GALNT13: variants seen among roughly 807,000 people sequenced by gnomAD.
GALNT13 encodes the protein UDP-GalNAc:polypeptide N-acetylgalactosaminyltransferase 13.
A neutral mutation model predicts 64.2 loss-of-function variants in GALNT13; 28 were observed. That is an observed-to-expected ratio of 0.44 (90% confidence interval 0.32 to 0.60). GALNT13 has a LOEUF of 0.60. Ranked by LOEUF, GALNT13 falls within the 20% of genes least tolerant of loss-of-function variation. The probability of loss-of-function intolerance (pLI) is 0.05; values close to 1 mark genes in which losing one functional copy is unlikely to be tolerated. For missense variants in GALNT13, 577 were observed against 669.8 expected, an observed-to-expected ratio of 0.86 and a Z score of 1.53; for synonymous variants, 214 against 224.6, an observed-to-expected ratio of 0.95 and a Z score of 0.42.
At chr2:153,493,978 C>A in the GALNT13 span, among the ~76,000 whole-genome samples, 1 of 151,892 alleles carries the variant, frequency 6.6e-6, no homozygotes, top group Non-Finnish European at 1.5e-5. Context: ...GCTCCACCAT[C>A]TGCTTTTTAT....
intron 8 of GALNT13, among the ~76,000 whole-genome samples, chr2:154,263,009 C>T (rs1215047095): frequency 6.6e-6 from 1 of 152,130 alleles, no homozygotes; most frequent in African/African-American, 2.4e-5. Flanking sequence ...TAAGCAATAT[C>T]ATGGGGAGCA....
At chr2:153,695,197 C>G in the GALNT13 span, among the ~76,000 whole-genome samples, 1 of 152,126 alleles carries the variant, frequency 6.6e-6, no homozygotes, top group East Asian at 1.9e-4. Context: ...GAGCTTTTCA[C>G]TTAGGGACCA....
intron 3 of GALNT13, among the ~76,000 whole-genome samples, chr2:154,014,100 T>G (rs1696831689): frequency 6.6e-6 from 1 of 152,144 alleles, no homozygotes; most frequent in Middle Eastern, 3.2e-3. Context: ...AGGACCGCCC[T>G]GTTCCCAATC....
intron 12 of GALNT13, among the ~76,000 whole-genome samples, chr2:154,443,735 G>A (rs1355419828): frequency 6.6e-6 from 1 of 151,850 alleles, no homozygotes; most frequent in Non-Finnish European, 1.5e-5. Flanking sequence ...TATTTGGAAG[G>A]GTAAAGTTAG....
chr2:153,547,303 G>C, the GALNT13 span, among the ~76,000 whole-genome samples: 1 of 152,176 alleles, frequency 6.6e-6, no homozygotes, highest in Admixed American at 6.5e-5. Context: ...CTTCAAGGTT[G>C]TACTATGTCG....
chr2:153,450,561 A>C, the GALNT13 span, among the ~76,000 whole-genome samples: 1 of 141,342 alleles, frequency 7.1e-6, no homozygotes, highest in Non-Finnish European at 1.5e-5. Context: ...ATTGAGTCCT[A>C]TACCCCTAGG....
rs189465542 is a variant in GALNT13, at chr2:154,168,652, G to A, written c.311+28147G>A. Among the ~76,000 whole-genome samples the A allele has an allele frequency of 2.0e-3, 278 of 136,276 alleles. 1 individual carries two copies. Among genetic ancestry groups the A allele is most frequent in the Non-Finnish European group, 3.4e-3 (220 of 64,870 alleles). The allele number at this position is 136,276 out of a possible 152,430, so 89.4% of individuals were successfully genotyped here. ...GTTCAAGACCAGCCTGGCCAACATA[G>A]TGAAACCTCATCTCTACTATTAAAA... On this transcript the variant is annotated intron_variant, in intron 4 of 12. Transcript: ENST00000392825.
intron 1 of GALNT13, among the ~76,000 whole-genome samples, chr2:153,898,273 A>T (rs1288388515): frequency 1.3e-5 from 2 of 152,028 alleles, no homozygotes; most frequent in Non-Finnish European, 2.9e-5. Context: ...AGGTGTATAT[A>T]TTTTTTAGGA....
At chr2:154,292,742 G>A (rs562332655) in intron 8 of GALNT13, among the ~76,000 whole-genome samples, 1 of 152,234 alleles carries the variant, frequency 6.6e-6, no homozygotes, top group South Asian at 2.1e-4. Flanking sequence ...TATGTTTATG[G>A]GTTAGGGGAA....
chr2:153,352,287 T>A, the GALNT13 span, among the ~76,000 whole-genome samples: 1 of 152,176 alleles, frequency 6.6e-6, no homozygotes, highest in Non-Finnish European at 1.5e-5. Flanking sequence ...GTCTTTAGCT[T>A]ATTTTTAAAT....
the GALNT13 span, among the ~76,000 whole-genome samples, chr2:153,606,392 T>A: frequency 1.2e-4 from 18 of 152,032 alleles, no homozygotes; most frequent in Non-Finnish European, 2.5e-4. Context: ...AAACAAAGAT[T>A]GTCCAATCTG....
intron 1 of GALNT13, among the ~76,000 whole-genome samples, chr2:153,881,276 G>T (rs1444683): frequency 0.5 from 76,569 of 152,010 alleles, 20,397 homozygotes; most frequent in East Asian, 0.9. Flanking sequence ...CCAATATATG[G>T]TTCATTATTT....
At chr2:153,777,641 C>T in the GALNT13 span, among the ~76,000 whole-genome samples, 1,225 of 152,242 alleles carry the variant, frequency 8.0e-3, 8 homozygotes, top group South Asian at 0.015. Context: ...CTTTGTACCC[C>T]TCGCAGGGTG....
At chr2:153,246,260 C>G in the GALNT13 span, among the ~76,000 whole-genome samples, 1 of 152,098 alleles carries the variant, frequency 6.6e-6, no homozygotes, top group African/African-American at 2.4e-5. Flanking sequence ...CCCAACCTAG[C>G]AAGACAGGCC....
rs1559076154 is a variant in GALNT13, at chr2:154,298,747, A to ATTT, written c.976-2662_976-2661insTTT. On this transcript the variant is annotated intron_variant, in intron 8 of 12. Transcript: ENST00000392825. ...ATATTATTTATATATAGTATATATA[A>ATTT]ATATATATACTATATATAAATTATA... 2.7e-5 allele frequency among the ~76,000 whole-genome samples: 2 copies of ATTT among 74,552 alleles called. 1 individual carries two copies. The highest frequency in any genetic ancestry group is 9.2e-5 in the African/African-American group (2 of 21,698). 48.9% of individuals were successfully genotyped at this position (74,552 alleles called of 152,430 possible). A position where few individuals can be genotyped will look rare whatever the true frequency, so the allele number is the denominator to read the frequency against.
chr2:153,081,566 G>A, the GALNT13 span, among the ~76,000 whole-genome samples: 1 of 151,936 alleles, frequency 6.6e-6, no homozygotes, highest in South Asian at 2.1e-4. Flanking sequence ...CTATGTCCAC[G>A]AGTTCAAAGG....
At chr2:154,332,643 C>T (rs373652030) in intron 9 of GALNT13, among the ~76,000 whole-genome samples, 124 of 152,220 alleles carry the variant, frequency 8.1e-4, no homozygotes, top group African/African-American at 2.8e-3. Context: ...CTCTCCAGAA[C>T]ATGAATCTGT....
the GALNT13 span, among the ~76,000 whole-genome samples, chr2:153,529,614 AT>A: frequency 6.6e-6 from 1 of 151,878 alleles, no homozygotes; most frequent in South Asian, 2.1e-4. Flanking sequence ...ATTAAAAAAA[AT>A]ACAGGCCAAT....
chr2:153,329,591 G>A, the GALNT13 span, among the ~76,000 whole-genome samples: 1 of 152,106 alleles, frequency 6.6e-6, no homozygotes, highest in Non-Finnish European at 1.5e-5. Flanking sequence ...AGAAATGTCT[G>A]TTCATGTCTT....
Sources: gnomAD v4.1 joint callset for allele counts (sites outside exome capture counted in the v4.1 genomes callset) on GRCh38, gnomAD v4.1.1 for gene constraint, MANE v1.5 for transcripts, NCBI Gene and HGNC (gene_info 2026-07-23, HGNC 2026-07-21) for gene names.